Variants in PPM1B observed in about 807,000 individuals in gnomAD.
The protein encoded by PPM1B is protein phosphatase, Mg2+/Mn2+ dependent 1B.
PPM1B carries 22 observed loss-of-function variants against 43.0 expected under a neutral mutation model. That is an observed-to-expected ratio of 0.51 (90% CI 0.37 to 0.73). PPM1B has a LOEUF of 0.73. Among genes scored for constraint, PPM1B ranks in the 30% least tolerant of loss-of-function variants. The pLI, the probability that PPM1B is intolerant of heterozygous loss-of-function variation, is 0.00. For missense variants in PPM1B, 632 were observed against 584.2 expected (o/e 1.08, Z -0.84); for synonymous variants, 217 against 197.9 (o/e 1.10, Z -0.81).
At chr2:44,241,687 A>T (rs1295259165) in intron 5 of PPM1B, among the ~76,000 whole-genome samples, 1 of 112,932 alleles carries the variant, frequency 8.9e-6, no homozygotes, top group East Asian at 2.8e-4. Flanking sequence ...AGCTGAGATC[A>T]TGTCACTGCA....
Position 44,230,775 on chromosome 2 carries a change from A to G in PPM1B, c.*57A>G, listed in dbSNP as rs1288028375. ...TGATGGTTTTTAACCTAGGAAGTGT[A>G]ATGTATGCATTTATATAACTGTTTT... On this transcript the variant is annotated 3_prime_UTR_variant, in exon 6 of 6. Coordinates refer to ENST00000282412, the MANE Select transcript of PPM1B (RefSeq NM_002706.6). 1.3e-6 allele frequency: 2 copies of G among 1,553,810 alleles called. No individual in the cohort carries two copies. The highest frequency in any genetic ancestry group is 2.7e-5 in the African/African-American group (2 of 72,830).
intron 5 of PPM1B, among the ~76,000 whole-genome samples, chr2:44,220,099 C>G (rs971144422): frequency 6.6e-6 from 1 of 152,046 alleles, no homozygotes; most frequent in African/African-American, 2.4e-5. Flanking sequence ...AGAAGAGAAT[C>G]TTAACTCTTC....
At chr2:44,182,146 T>C (rs1427330799) in intron 1 of PPM1B, among the ~76,000 whole-genome samples, 2 of 152,206 alleles carry the variant, frequency 1.3e-5, no homozygotes, top group Admixed American at 1.3e-4. Flanking sequence ...TGGTCAGGAA[T>C]ATTGGTGTTT....
intron 1 of PPM1B, among the ~76,000 whole-genome samples, chr2:44,172,659 G>A (rs1362829614): frequency 2.0e-5 from 3 of 152,160 alleles, no homozygotes; most frequent in Non-Finnish European, 4.4e-5. Flanking sequence ...GGGCACAGTG[G>A]CTCACTCCTG....
intron 5 of PPM1B, among the ~76,000 whole-genome samples, chr2:44,224,555 A>T (rs763831708): frequency 4.7e-4 from 71 of 151,602 alleles, no homozygotes; most frequent in Non-Finnish European, 3.1e-4. Context: ...TTTATTTTTT[A>T]AAATGTGCTT....
rs547349646 is a variant in PPM1B at position 44,210,479 on chromosome 2, C to G, written c.964+1152C>G. Among the ~76,000 whole-genome samples the G allele has an allele frequency of 2.2e-4, 33 of 152,238 alleles. No individual in the cohort carries two copies. In the South Asian group the frequency reaches 6.9e-3, roughly 32 times the overall value. Reference sequence around the variant, plus strand: ...AAGCAGTCCTCCCACATTGGCCTACCAAAGTGCTGGGATTACAGGCATGAG... The same window carrying G: ...AAGCAGTCCTCCCACATTGGCCTACGAAAGTGCTGGGATTACAGGCATGAG... On this transcript the variant is annotated intron_variant, in intron 3 of 5. Transcript: ENST00000282412.
intron 5 of PPM1B, chr2:44,229,885 A>C (rs1670392122): frequency 9.4e-7 from 1 of 1,061,382 alleles, no homozygotes; most frequent in Non-Finnish European, 1.3e-6. Flanking sequence ...TTTTTATCAA[A>C]ATAAGAGCAA....
downstream of PPM1B, chr2:44,234,634 T>G: frequency 1.0e-6 from 1 of 984,334 alleles, no homozygotes; most frequent in Non-Finnish European, 1.2e-6. Flanking sequence ...TATTCAGTGT[T>G]GACTCATCTG....
intron 5 of PPM1B, among the ~76,000 whole-genome samples, chr2:44,221,650 A>G (rs776947372): frequency 1.8e-4 from 27 of 152,320 alleles, no homozygotes; most frequent in Non-Finnish European, 3.8e-4. Flanking sequence ...CCAGAGTTAA[A>G]TCAGAGGGTT....
At chr2:44,238,815 T>A (rs1424587747), downstream of PPM1B, among the ~76,000 whole-genome samples, 1 of 152,190 alleles carries the variant, frequency 6.6e-6, no homozygotes, top group Non-Finnish European at 1.5e-5. Flanking sequence ...TCATGAAAGT[T>A]CTGTAGGCTC....
chr2:44,225,584 A>G (rs893977376), intron 5 of PPM1B, among the ~76,000 whole-genome samples: 2 of 152,202 alleles, frequency 1.3e-5, no homozygotes, highest in Admixed American at 1.3e-4. Context: ...CAATTTAGTG[A>G]TTCTGTAATG....
chr2:44,233,713 A>G, downstream of PPM1B: 4 of 985,858 alleles, frequency 4.1e-6, no homozygotes, highest in Non-Finnish European at 4.8e-6. Flanking sequence ...GTTTCTGGAG[A>G]GCCACACATT....
intron 5 of PPM1B, chr2:44,229,927 C>G: frequency 2.2e-6 from 3 of 1,370,754 alleles, no homozygotes; most frequent in East Asian, 5.2e-5. Context: ...CGTAAAAACT[C>G]TAAAATCTTT....
chr2:44,175,628 T>G (rs1383715888), intron 1 of PPM1B, among the ~76,000 whole-genome samples: 1 of 152,160 alleles, frequency 6.6e-6, no homozygotes, highest in African/African-American at 2.4e-5. Flanking sequence ...AGATTTGGGG[T>G]GTGTGTGTTT....
intron 1 of PPM1B, among the ~76,000 whole-genome samples, chr2:44,174,414 G>A (rs1667485589): frequency 6.6e-6 from 1 of 152,154 alleles, no homozygotes; most frequent in Non-Finnish European, 1.5e-5. Flanking sequence ...GATATAGGGA[G>A]GATAAGACTT....
intron 1 of PPM1B, among the ~76,000 whole-genome samples, chr2:44,181,838 G>A (rs1465226594): frequency 1.3e-5 from 2 of 152,174 alleles, no homozygotes; most frequent in Non-Finnish European, 2.9e-5. Context: ...CATAGCTTAA[G>A]CCATGAGATT....
At chr2:44,195,413 T>G (rs1668615253) in intron 1 of PPM1B, among the ~76,000 whole-genome samples, 1 of 152,090 alleles carries the variant, frequency 6.6e-6, no homozygotes, top group Non-Finnish European at 1.5e-5. Context: ...GGTCTTGCTA[T>G]GTTGCCCAGG....
chr2:44,174,380 G>C (rs1667484438), intron 1 of PPM1B, among the ~76,000 whole-genome samples: 2 of 152,342 alleles, frequency 1.3e-5, no homozygotes, highest in Non-Finnish European at 2.9e-5. Context: ...CTTTCTCTTA[G>C]AGATGGTACC....
intron 1 of PPM1B, among the ~76,000 whole-genome samples, chr2:44,200,696 G>A (rs1668890865): frequency 6.6e-6 from 1 of 152,172 alleles, no homozygotes; most frequent in Non-Finnish European, 1.5e-5. Context: ...GCTTTTGAAA[G>A]TCTTCTAAAG....
Sources: allele counts gnomAD v4.1 joint callset (sites outside exome capture counted in the v4.1 genomes callset), GRCh38; gene constraint gnomAD v4.1.1; transcripts MANE v1.5; gene names NCBI Gene and HGNC (gene_info 2026-07-23, HGNC 2026-07-21).